The following MINDY1 variants were observed in gnomAD, a reference collection of about 807,000 sequenced individuals.
MINDY1 encodes the protein MINDY lysine 48 deubiquitinase 1, also known as ubiquitin carboxyl-terminal hydrolase MINDY-1.
MINDY1 carries 50 observed loss-of-function variants against 53.6 expected under a neutral mutation model. The ratio of observed to expected loss-of-function variants is 0.93; its 90% CI spans 0.74 to 1.18. The LOEUF (loss-of-function observed/expected upper bound fraction) is 1.18. Ranked by LOEUF, MINDY1 falls within the 50% of genes most tolerant of loss-of-function variation. The probability of loss-of-function intolerance (pLI) is 0.00; values close to 1 mark genes in which losing one functional copy is unlikely to be tolerated. For synonymous variants in MINDY1, 231 were observed against 234.7 expected, an observed-to-expected ratio of 0.98 and a Z score of 0.14; for missense variants, 484 against 578.6, an observed-to-expected ratio of 0.84 and a Z score of 1.68.
chr1:151,001,350 A>G (rs1480379430), intron 3 of MINDY1, 36 bp from the exon 4 acceptor site: 1 of 1,608,284 alleles, frequency 6.2e-7, no homozygotes. Flanking sequence ...TTACCCCACC[A>G]ATCATCCCAA....
chr1:151,002,052 A>G lies in MINDY1; in HGVS notation c.453+113T>C. 9.1e-7 allele frequency: 1 copy of G among 1,094,982 alleles called. No individual in the cohort carries two copies. 67.8% of individuals were successfully genotyped at this position (1,094,982 alleles called of 1,614,324 possible). A position where few individuals can be genotyped will look rare whatever the true frequency, so the allele number is the denominator to read the frequency against. ...ATTTGCTCAAGCTGGAGAAATAGGG[A>G]GAACAATCTGAAAAGTTTTGACTAG... is the stretch of plus-strand genomic sequence containing the variant. On this transcript the variant is annotated intron_variant, in intron 2 of 9. Coordinates refer to ENST00000683666, the MANE Select transcript of MINDY1 (RefSeq NM_001376665.1). This position sits in a 1 kb window ranked among gnomAD's most constrained non-coding sequence, Gnocchi z 4.1.
upstream of MINDY1, chr1:151,008,210 G>A: frequency 9.1e-7 from 1 of 1,104,610 alleles, no homozygotes; most frequent in Non-Finnish European, 1.1e-6. Context: ...GAGAGGGAAA[G>A]TTCAGATGCC....
Position 150,997,636 on chromosome 1 carries a change from G to C in MINDY1, c.1317C>G (p.Val439=). Residue 439 remains valine, a synonymous_variant, in exon 9 of 10, where the codon GTC becomes GTG. Transcript: ENST00000683666. ...GGCAGCAGCCCACCTGCAGTGACAGGACCCGCGTCCGCATCCGCACTGGCT... is the reference window on the plus strand; with the variant it reads ...GGCAGCAGCCCACCTGCAGTGACAGCACCCGCGTCCGCATCCGCACTGGCT... ...AAQPVRMRTR[V]LSLQGRGATS... is the part of the protein sequence containing the mutation. 6.2e-7 allele frequency: 1 copy of C among 1,608,850 alleles called. No homozygotes were observed. The highest frequency in any genetic ancestry group is 8.5e-7 in the Non-Finnish European group (1 of 1,180,016).
rs1294833694 is a variant in MINDY1 at position 150,998,244 on chromosome 1, C to T, written c.1011G>A (p.Gln337=). Residue 337 remains glutamine (Q), a synonymous_variant, in exon 8 of 10, where the codon CAG becomes CAA. Coordinates refer to ENST00000683666, the MANE Select transcript of MINDY1 (RefSeq NM_001376665.1). The part of the protein sequence containing the change: ...KSHLYLLVTD[Q]GFLQEEQVVW... ...CGACTTGCTCCTCCTGTAGAAAGCC[C>T]TGGTCAGTGACCAGTAGGTATAAGT... is the stretch of plus-strand genomic sequence containing the variant. 6.2e-7 allele frequency: 1 copy of T among 1,613,942 alleles called. No individual in the cohort carries two copies. Among genetic ancestry groups the T allele is most frequent in the East Asian group, 2.2e-5 (1 of 44,900 alleles).
chr1:150,997,476 G>A lies in MINDY1; in HGVS notation c.1330-109C>T, dbSNP rs1373336659. 1.9e-6 allele frequency: 3 copies of A among 1,543,224 alleles called. No homozygotes were observed. In the South Asian group the frequency reaches 3.5e-5, roughly 18 times the overall value. On this transcript the variant is annotated intron_variant, in intron 9 of 9. Transcript: ENST00000683666. ...GACAGAGAGTAGGGAGAGGAAGACA[G>A]GAAGGGGCTCCAGGGGAGAGGGACA...
chr1:151,000,823 G>A (rs1672475469), intron 4 of MINDY1, among the ~76,000 whole-genome samples: 1 of 152,076 alleles, frequency 6.6e-6, no homozygotes, highest in Non-Finnish European at 1.5e-5. Flanking sequence ...CTTTCATCCA[G>A]GCTGGAGTGC....
rs1285647609 is a variant in MINDY1 at position 151,002,228 on chromosome 1, G to A, written c.390C>T (p.Thr130=). The A allele has an allele frequency of 6.2e-7, 1 of 1,614,140 alleles. No individual in the cohort carries two copies. Among genetic ancestry groups the A allele is most frequent in the Non-Finnish European group, 8.5e-7 (1 of 1,180,008 alleles). The change falls in exon 2 of 10, where the codon ACC becomes ACT. Residue 130 remains threonine (T), a synonymous_variant. Transcript: ENST00000683666. This position sits in a 1 kb window ranked among gnomAD's most constrained non-coding sequence, Gnocchi z 4.1. The part of the protein sequence containing the change: ...PWKGEQTPII[T]QSTNGPCPLL... ...GAGGGCAAGGGCCGTTAGTGCTCTG[G>A]GTGATGATGGGTGTCTGTTCTCCTT...
Position 151,002,270 on chromosome 1 carries a change from G to A in MINDY1, c.348C>T (p.Val116=), listed in dbSNP as rs1672668021. The change falls in exon 2 of 10, where the codon GTC becomes GTT. Residue 116 remains valine (V), a synonymous_variant. Transcript: ENST00000683666. The surrounding 1 kb of genome is among the most constrained non-coding windows in gnomAD (Gnocchi z 4.1). ...GTTCTCCTTTCCAAGGGATCCACTTGACACAGTAGAAATCTGGCTCAGGCT... is the reference window on the plus strand; with the variant it reads ...GTTCTCCTTTCCAAGGGATCCACTTAACACAGTAGAAATCTGGCTCAGGCT... ...TRQPEPDFYC[V]KWIPWKGEQT... is the part of the protein sequence containing the mutation. 2 of 1,614,116 alleles carry A rather than the reference G, an allele frequency of 1.2e-6. No individual in the cohort carries two copies.
chr1:151,002,287 G>C lies in MINDY1; in HGVS notation c.331C>G (p.Pro111Ala), dbSNP rs776143044. The change falls in exon 2 of 10, where the codon CCA (proline) becomes GCA (alanine). Residue 111 changes from proline to alanine, a missense_variant. By Grantham distance (27) the Pro-to-Ala change is conservative. Transcript: ENST00000683666. This position sits in a 1 kb window ranked among gnomAD's most constrained non-coding sequence, Gnocchi z 4.1. ...ATCCACTTGACACAGTAGAAATCTG[G>C]CTCAGGCTGTCGGGTCCTGGGGGAC... is the stretch of plus-strand genomic sequence containing the variant. ...PQSPRTRQPE[P>A]DFYCVKWIPW... 4.3e-6 allele frequency: 7 copies of C among 1,614,086 alleles called. No individual in the cohort carries two copies. In the African/African-American group the frequency reaches 9.3e-5, roughly 22 times the overall value.
chr1:151,005,326 C>T (rs2102868027), intron 1 of MINDY1, among the ~76,000 whole-genome samples: 1 of 152,064 alleles, frequency 6.6e-6, no homozygotes, highest in South Asian at 2.1e-4. Flanking sequence ...GTGGCGGGCA[C>T]CTGTAATCCC....
chr1:151,004,601 G>A (rs968859028), intron 1 of MINDY1, among the ~76,000 whole-genome samples: 1 of 151,946 alleles, frequency 6.6e-6, no homozygotes, highest in Non-Finnish European at 1.5e-5. Flanking sequence ...GTGTTGGCAC[G>A]TGCCTGTAGT....
Position 150,997,453 on chromosome 1 carries a change from CAG to C in MINDY1, c.1330-88_1330-87del, listed in dbSNP as rs769641959. The C allele has an allele frequency of 2.6e-6, 4 of 1,544,598 alleles. No individual in the cohort carries two copies. In the African/African-American group the frequency reaches 5.5e-5, roughly 21 times the overall value. On this transcript the variant is annotated intron_variant, in intron 9 of 9. Transcript: ENST00000683666. ...AGAAGAAGGGGTGTCAGGATTGGGA[CAG>C]AGAGTAGGGAGAGGAAGACAGGAAG... is the stretch of plus-strand genomic sequence containing the variant.
In MINDY1 at chr1:151,002,130, A is replaced by G; in HGVS notation, c.453+35T>C. ...GTAAGTCAGGGAAGAGTACTCCCTGATATTTTTTGCACCCCTAACTGCATG... is the reference window on the plus strand; with the variant it reads ...GTAAGTCAGGGAAGAGTACTCCCTGGTATTTTTTGCACCCCTAACTGCATG... On this transcript the variant is annotated intron_variant, in intron 2 of 9. Transcript: ENST00000683666. This position sits in a 1 kb window ranked among gnomAD's most constrained non-coding sequence, Gnocchi z 4.1. The G allele has an allele frequency of 6.4e-7, 1 of 1,551,720 alleles. No homozygotes were observed. The highest frequency in any genetic ancestry group is 8.7e-7 in the Non-Finnish European group (1 of 1,147,342).
intron 1 of MINDY1, chr1:151,003,012 A>G: frequency 8.8e-7 from 1 of 1,138,066 alleles, no homozygotes; most frequent in South Asian, 2.6e-5. Context: ...ACAGAGAGAA[A>G]GGGAGAGCAC....
intron 7 of MINDY1, 59 bp from the exon 8 acceptor site, chr1:150,998,332 C>A: frequency 6.7e-7 from 1 of 1,491,832 alleles, no homozygotes; most frequent in Non-Finnish European, 9.1e-7. Context: ...CAGTTCACTG[C>A]CAGAAATCTC....
chr1:150,997,928 G>C (rs1316093362), intron 8 of MINDY1, 149 bp from the exon 9 acceptor site: 1 of 1,147,532 alleles, frequency 8.7e-7, no homozygotes, highest in East Asian at 2.5e-5. Flanking sequence ...ATTATCTGTG[G>C]TGCCAGAGAA....
rs1247334416 is a variant in MINDY1 at position 151,006,260 on chromosome 1, T to C, written c.-90+52A>G. On this transcript the variant is annotated intron_variant, in intron 1 of 9. Transcript: ENST00000683666. ...CAGCTCCCCAAAGCTGGAGAGGAAA[T>C]AGAGAAGGGTGGGAGAAGAGGTGAA... is the stretch of plus-strand genomic sequence containing the variant. The C allele has an allele frequency of 2.0e-6, 3 of 1,489,686 alleles. No homozygotes were observed. The African/African-American group carries it at 4.2e-5, about 21-fold the overall frequency. The allele number at this position is 1,489,686 out of a possible 1,614,324, so 92.3% of individuals were successfully genotyped here.
intron 8 of MINDY1, 103 bp from the exon 9 acceptor site, chr1:150,997,882 C>T (rs1672025469): frequency 1.5e-6 from 2 of 1,325,292 alleles, no homozygotes; most frequent in Non-Finnish European, 2.1e-6. Context: ...TTCTCTAGCT[C>T]TTTCTCCCCA....
intron 1 of MINDY1, 50 bp downstream of exon 1, chr1:151,006,262 G>C: frequency 6.7e-7 from 1 of 1,490,408 alleles, no homozygotes; most frequent in Non-Finnish European, 9.0e-7. Context: ...AGAGGAAATA[G>C]AGAAGGGTGG....
Sources: gnomAD v4.1 joint callset for allele counts (sites outside exome capture counted in the v4.1 genomes callset) on GRCh38, gnomAD v4.1.1 for gene constraint, Gnocchi (gnomAD v3.1) non-coding constraint, MANE v1.5 for transcripts, NCBI Gene and HGNC (gene_info 2026-07-23, HGNC 2026-07-21) for gene names.